The following STPG2 variants were observed in gnomAD, a reference collection of about 807,000 sequenced individuals.
The protein encoded by STPG2 is sperm-tail PG-rich repeat-containing protein 2.
A neutral mutation model predicts 54.2 loss-of-function variants in STPG2; 56 were observed. The observed-to-expected ratio is 1.03, with a 90% CI of 0.83 to 1.29. The LOEUF (loss-of-function observed/expected upper bound fraction) is 1.29, where lower values mean the gene tolerates loss of function less well. Ranked by LOEUF, STPG2 falls within the 50% of genes most tolerant of loss-of-function variation. STPG2 has a pLI of 0.00. For synonymous variants in STPG2, 200 were observed against 181.8 expected, an observed-to-expected ratio of 1.10 and a Z score of -0.81; for missense variants, 596 against 544.9, an observed-to-expected ratio of 1.09 and a Z score of -0.93.
chr4:97,780,414 C>T lies in STPG2; in HGVS notation c.1204+60359G>A, dbSNP rs1359338861. On this transcript the variant is annotated intron_variant, in intron 9 of 10. Transcript: ENST00000295268. Reference sequence around the variant, plus strand: ...AATATATATGCACCCAATACAGGAGCACCCAGGTTCATAAAGCAAGTCCTT... The same window carrying T: ...AATATATATGCACCCAATACAGGAGTACCCAGGTTCATAAAGCAAGTCCTT... 3.4e-4 allele frequency among the ~76,000 whole-genome samples: 9 copies of T among 26,090 alleles called. No homozygotes were observed. The South Asian group carries it at 9.5e-3, about 27-fold the overall frequency. The allele number at this position is 26,090 out of a possible 152,430, so 17.1% of individuals were successfully genotyped here.
intron 4 of STPG2, among the ~76,000 whole-genome samples, chr4:97,465,639 T>G (rs1488329428): frequency 2.6e-5 from 4 of 152,128 alleles, no homozygotes; most frequent in African/African-American, 7.2e-5. Flanking sequence ...TTCAGGTTCC[T>G]GATATAAAAT....
Position 97,820,121 on chromosome 4 carries a change from A to G in STPG2, c.1204+20652T>C, listed in dbSNP as rs79114056. Among the ~76,000 whole-genome samples the G allele has an allele frequency of 4.5e-3, 679 of 152,104 alleles. 6 individuals are homozygous for G. Among genetic ancestry groups the G allele is most frequent in the African/African-American group, 0.015 (638 of 41,492 alleles). On this transcript the variant is annotated intron_variant, in intron 9 of 10. Coordinates refer to ENST00000295268, the MANE Select transcript of STPG2 (RefSeq NM_174952.3). ...CAATATTTCAGACTTTTCCATTATTATTATTATATCTGTTATGATGAACTG... is the reference window on the plus strand; with the variant it reads ...CAATATTTCAGACTTTTCCATTATTGTTATTATATCTGTTATGATGAACTG...
intron 4 of STPG2, among the ~76,000 whole-genome samples, chr4:97,500,593 T>G (rs1465556874): frequency 6.6e-6 from 1 of 152,048 alleles, no homozygotes; most frequent in African/African-American, 2.4e-5. Flanking sequence ...ATTACAGCTT[T>G]AATAAGTTAA....
chr4:97,834,062 T>G (rs1728559482), intron 9 of STPG2, among the ~76,000 whole-genome samples: 1 of 152,138 alleles, frequency 6.6e-6, no homozygotes, highest in Non-Finnish European at 1.5e-5. Context: ...TGCACACGTA[T>G]GTGTATTGCG....
intron 4 of STPG2, among the ~76,000 whole-genome samples, chr4:97,493,384 G>T (rs1338411949): frequency 1.3e-5 from 2 of 151,350 alleles, no homozygotes; most frequent in Admixed American, 6.6e-5. Context: ...CTGGAAGCAG[G>T]ATCCCGCTGT....
At chr4:97,506,373 C>T (rs564744828) in intron 4 of STPG2, among the ~76,000 whole-genome samples, 24 of 151,646 alleles carry the variant, frequency 1.6e-4, no homozygotes, top group South Asian at 6.3e-4. Context: ...AGATTGGAGG[C>T]GCCGACCTGA....
At chr4:97,907,890 C>A (rs1207168757) in intron 8 of STPG2, among the ~76,000 whole-genome samples, 1 of 152,112 alleles carries the variant, frequency 6.6e-6, no homozygotes, top group Non-Finnish European at 1.5e-5. Context: ...AAGACTTAAA[C>A]GTTAGACCTA....
At chr4:97,569,229 T>C (rs1344125242) in intron 10 of STPG2, among the ~76,000 whole-genome samples, 2 of 152,184 alleles carry the variant, frequency 1.3e-5, no homozygotes, top group Non-Finnish European at 2.9e-5. Flanking sequence ...AGGTAACTTC[T>C]GGACATTGCC....
chr4:97,763,293 A>G (rs188695864), intron 9 of STPG2, among the ~76,000 whole-genome samples: 51 of 152,270 alleles, frequency 3.3e-4, no homozygotes, highest in African/African-American at 1.2e-3. Context: ...TAAGTAGTCA[A>G]TTTAAGCATG....
chr4:97,820,198 C>T (rs142558741), intron 9 of STPG2, among the ~76,000 whole-genome samples: 164 of 152,204 alleles, frequency 1.1e-3, no homozygotes, highest in African/African-American at 3.6e-3. Flanking sequence ...GCAACACAAA[C>T]CATGCACATA....
At chr4:97,767,435 T>C (rs1726088244) in intron 9 of STPG2, among the ~76,000 whole-genome samples, 1 of 152,186 alleles carries the variant, frequency 6.6e-6, no homozygotes. Context: ...TCTGAATCTC[T>C]CTGACAATTA....
chr4:97,727,686 A>T (rs1441354122), intron 9 of STPG2, among the ~76,000 whole-genome samples: 1 of 151,464 alleles, frequency 6.6e-6, no homozygotes, highest in East Asian at 1.9e-4. Flanking sequence ...GAAAAAATAC[A>T]GCTTGTGCAT....
chr4:98,000,850 T>C (rs1735390790), intron 5 of STPG2, among the ~76,000 whole-genome samples: 1 of 152,114 alleles, frequency 6.6e-6, no homozygotes, highest in African/African-American at 2.4e-5. Flanking sequence ...ATAAATCATA[T>C]ACTAGTTAGC....
At chr4:97,946,260 G>T (rs553788623) in intron 7 of STPG2, among the ~76,000 whole-genome samples, 4 of 152,014 alleles carry the variant, frequency 2.6e-5, no homozygotes, top group South Asian at 2.1e-4. Context: ...TTTTCTTGCT[G>T]GTTTGTTTGA....
intron 10 of STPG2, among the ~76,000 whole-genome samples, chr4:97,698,297 G>A (rs758288953): frequency 7.9e-5 from 12 of 152,084 alleles, no homozygotes; most frequent in Non-Finnish European, 1.2e-4. Context: ...ACTAAGAGAC[G>A]CCCTAATGGA....
intron 9 of STPG2, among the ~76,000 whole-genome samples, chr4:97,789,534 T>G (rs1472344812): frequency 6.6e-6 from 1 of 152,036 alleles, no homozygotes; most frequent in Admixed American, 6.6e-5. Context: ...TCGATCTACA[T>G]TTTACATCAT....
At chr4:97,740,536 A>G (rs1297265718) in intron 9 of STPG2, among the ~76,000 whole-genome samples, 24 of 152,142 alleles carry the variant, frequency 1.6e-4, no homozygotes, top group South Asian at 4.2e-4. Context: ...AAATCAATGT[A>G]CAAAAATCAC....
At chr4:98,134,325 A>G (rs2110168083) in intron 2 of STPG2, 22 bp downstream of exon 2, 1 of 1,411,708 alleles carries the variant, frequency 7.1e-7, no homozygotes, top group East Asian at 2.5e-5. Flanking sequence ...TATTAAGTCA[A>G]TTATAGTAAC....
chr4:97,990,908 A>G (rs1734980918), intron 5 of STPG2, among the ~76,000 whole-genome samples: 1 of 152,158 alleles, frequency 6.6e-6, no homozygotes, highest in South Asian at 2.1e-4. Context: ...AGTAATGATT[A>G]TTACTACCAT....
Sources: allele counts gnomAD v4.1 joint callset (sites outside exome capture counted in the v4.1 genomes callset), GRCh38; gene constraint gnomAD v4.1.1; transcripts MANE v1.5; gene names NCBI Gene and HGNC (gene_info 2026-07-23, HGNC 2026-07-21).